SH3BP5L: variants seen among roughly 807,000 people sequenced by gnomAD.
SH3BP5L encodes SH3 domain-binding protein 5-like.
In SH3BP5L, 16 loss-of-function variants were observed where a neutral mutation model predicts 40.9. The observed-to-expected ratio is 0.39, with a 90% CI of 0.27 to 0.59. The LOEUF is 0.59. Ranked by LOEUF, SH3BP5L falls within the 20% of genes least tolerant of loss-of-function variation. SH3BP5L has a pLI of 0.53. For synonymous variants in SH3BP5L, 229 were observed against 226.7 expected, an observed-to-expected ratio of 1.01 and a Z score of -0.09; for missense variants, 471 against 544.6, an observed-to-expected ratio of 0.86 and a Z score of 1.35.
At chr1:248,815,534 T>C (rs1338888549) in intron 4 of SH3BP5L, among the ~76,000 whole-genome samples, 2 of 152,236 alleles carry the variant, frequency 1.3e-5, no homozygotes, top group African/African-American at 2.4e-5. Context: ...AAGGACAAAC[T>C]GCCCCTTCCA....
In SH3BP5L at chr1:248,812,236, G is replaced by A. The variant is rs138260841; in HGVS notation, c.846C>T (p.His282=). The A allele has an allele frequency of 1.8e-4, 282 of 1,609,906 alleles. No homozygotes were observed. In the African/African-American group the frequency reaches 2.7e-3, roughly 16 times the overall value. The change falls in exon 7 of 7, where the codon CAC becomes CAT. Residue 282 remains histidine, a synonymous_variant. Transcript: ENST00000366472. This position sits in a 1 kb window ranked among gnomAD's most constrained non-coding sequence, Gnocchi z 6.1. ...GGGAGGAGCGCCGAGGGCCCAGGGG[G>A]TGGGGAGGCAGACCCCCGCGGCGCC... ...HARRRGGLPP[H]PLGPRRSSPV... is the part of the protein sequence containing the mutation.
intron 4 of SH3BP5L, among the ~76,000 whole-genome samples, chr1:248,815,180 G>A (rs2103014063): frequency 6.6e-6 from 1 of 152,340 alleles, no homozygotes. Context: ...GTGAGGCTGA[G>A]GGAGGAGGAT....
At position 248,814,497 on chromosome 1, in the gene SH3BP5L, G is replaced by T. The variant is rs1351138590; in HGVS notation, c.489C>A (p.Asn163Lys). Reference sequence around the variant, plus strand: ...TCTCCTGCCACGTGGGGTCCAGTCGGTTCTTGTCAGCCATGACGCCCTGCT... The same window carrying T: ...TCTCCTGCCACGTGGGGTCCAGTCGTTTCTTGTCAGCCATGACGCCCTGCT... ...VAEQGVMADK[N>K]RLDPTWQEML... Residue 163 changes from asparagine (N) to lysine (K), a missense_variant, in exon 5 of 7, where the codon AAC becomes AAA. Coordinates refer to ENST00000366472, the MANE Select transcript of SH3BP5L (RefSeq NM_030645.3). 6.2e-7 allele frequency: 1 copy of T among 1,614,094 alleles called. No individual in the cohort carries two copies. Among genetic ancestry groups the T allele is most frequent in the Non-Finnish European group, 8.5e-7 (1 of 1,180,052 alleles).
intron 2 of SH3BP5L, among the ~76,000 whole-genome samples, chr1:248,819,949 A>C (rs1206514383): frequency 6.6e-6 from 1 of 152,220 alleles, no homozygotes; most frequent in Non-Finnish European, 1.5e-5. Context: ...ATTTAAAAAA[A>C]GAGTGAAATT....
At chr1:248,820,653 G>A (rs879840242) in intron 2 of SH3BP5L, 1 of 152,186 alleles carries the variant, frequency 6.6e-6, no homozygotes, top group Non-Finnish European at 1.5e-5. Flanking sequence ...ACCACTGGAA[G>A]GACATCTCAG....
intron 2 of SH3BP5L, 81 bp from the exon 3 acceptor site, chr1:248,816,965 A>G (rs1487110673): frequency 6.2e-7 from 1 of 1,608,332 alleles, no homozygotes; most frequent in Admixed American, 1.7e-5. Context: ...AGCAACACAG[A>G]GAGAGAGAGC....
At chr1:248,819,141 GA>G (rs1664186668) in intron 2 of SH3BP5L, among the ~76,000 whole-genome samples, 1 of 152,162 alleles carries the variant, frequency 6.6e-6, no homozygotes, top group African/African-American at 2.4e-5. Context: ...CAGCAGGTAA[GA>G]ATACAGGAAA....
At chr1:248,822,390 T>G (rs1328615140) in intron 2 of SH3BP5L, among the ~76,000 whole-genome samples, 1 of 152,216 alleles carries the variant, frequency 6.6e-6, no homozygotes, top group Non-Finnish European at 1.5e-5. Context: ...AGCACTGGCG[T>G]ACCCACACCT....
chr1:248,816,999 T>C lies in SH3BP5L; in HGVS notation c.184-115A>G, dbSNP rs1335774652. ...GCCCCACTTGCCCAGGGAAATGAGG[T>C]GAGACACTCAGGAAAGGAAAGAAGA... On this transcript the variant is annotated intron_variant, in intron 2 of 6. Coordinates refer to ENST00000366472, the MANE Select transcript of SH3BP5L (RefSeq NM_030645.3). 5 of 1,581,202 alleles carry C rather than the reference T, an allele frequency of 3.2e-6. No homozygotes were observed. The African/African-American group carries it at 5.4e-5, about 17-fold the overall frequency.
chr1:248,816,581 T>C lies in SH3BP5L; in HGVS notation c.328A>G (p.Ile110Val). 6.2e-7 allele frequency: 1 copy of C among 1,614,168 alleles called. No individual in the cohort carries two copies. The highest frequency in any genetic ancestry group is 1.1e-5 in the South Asian group (1 of 91,084). Residue 110 changes from isoleucine (I) to valine (V), a missense_variant, in exon 4 of 7, where the codon ATC becomes GTC. This residue lies in a region of SH3BP5L where 275 missense variants were observed against 370.1 expected (regional missense o/e 0.74). Transcript: ENST00000366472. ...TCATAGTAGGGCCGGGCTTTCTCGA[T>C]GCAGCTCCCCAAGTGGGAACCCTGT... is the stretch of plus-strand genomic sequence containing the variant. Reference protein sequence around the residue: ...NTQGSHLGSCIEKARPYYEAR... With the variant: ...NTQGSHLGSCVEKARPYYEAR...
chr1:248,816,709 C>A lies in SH3BP5L; in HGVS notation c.247-47G>T, dbSNP rs368121251. ...GAAAGGCACATGTTTGGGTCCCAGC[C>A]CCTCTTGTTTCTCAGACACACCCCT... On this transcript the variant is annotated intron_variant, in intron 3 of 6. Transcript: ENST00000366472. 1.7e-5 allele frequency: 27 copies of A among 1,613,336 alleles called. No homozygotes were observed. In the African/African-American group the frequency reaches 3.5e-4, roughly 21 times the overall value.
At position 248,812,024 on chromosome 1, in the gene SH3BP5L, T is replaced by A; in HGVS notation, c.1058A>T (p.His353Leu). 1 of 1,612,136 alleles carries A rather than the reference T, an allele frequency of 6.2e-7. No homozygotes were observed. Among genetic ancestry groups the A allele is most frequent in the Non-Finnish European group, 8.5e-7 (1 of 1,179,496 alleles). The change falls in exon 7 of 7, where the codon CAC becomes CTC. Residue 353 changes from histidine to leucine, a missense_variant. His to Leu is a moderately conservative substitution (Grantham distance 99). Coordinates refer to ENST00000366472, the MANE Select transcript of SH3BP5L (RefSeq NM_030645.3). This position sits in a 1 kb window ranked among gnomAD's most constrained non-coding sequence, Gnocchi z 6.1. ...GACGTGGTCCGAGAGGCCTCGCAAGTGCTCCACGGAGTCGCACTTCTGCAG... is the reference window on the plus strand; with the variant it reads ...GACGTGGTCCGAGAGGCCTCGCAAGAGCTCCACGGAGTCGCACTTCTGCAG... ...SDLQKCDSVE[H>L]LRGLSDHVSL...
At chr1:248,818,361 A>T (rs1474943207) in intron 2 of SH3BP5L, among the ~76,000 whole-genome samples, 1 of 40,146 alleles carries the variant, frequency 2.5e-5, no homozygotes, top group Non-Finnish European at 4.5e-5. Flanking sequence ...AACAAAAAAC[A>T]AACAAAAAAA....
At position 248,813,177 on chromosome 1, in the gene SH3BP5L, A is replaced by C. The variant is rs1315778032; in HGVS notation, c.538-15T>G. The C allele has an allele frequency of 1.3e-6, 2 of 1,541,684 alleles. No homozygotes were observed. The highest frequency in any genetic ancestry group is 2.7e-5 in the African/African-American group (2 of 73,312). On this transcript the variant is annotated splice_polypyrimidine_tract_variant and intron_variant, in intron 5 of 6. Transcript: ENST00000366472. ...GCCTCATTCACCTGGCCCAGAGGAC[A>C]CATCACTGAGCCAGGACCCATGCTT...
At chr1:248,813,197 A>C in intron 5 of SH3BP5L, 35 bp from the exon 6 acceptor site, 1 of 1,476,656 alleles carries the variant, frequency 6.8e-7, no homozygotes, top group Non-Finnish European at 9.0e-7. Flanking sequence ...GCCAGGACCC[A>C]TGCTTCAGTC....
chr1:248,823,422 T>C (rs909885381), intron 2 of SH3BP5L, among the ~76,000 whole-genome samples: 5 of 149,544 alleles, frequency 3.3e-5, no homozygotes, highest in Admixed American at 2.0e-4. Flanking sequence ...GAAACTTCCA[T>C]AAAAATCATA....
chr1:248,814,138 G>A, intron 5 of SH3BP5L: 1 of 383,842 alleles, frequency 2.6e-6, no homozygotes, highest in South Asian at 2.9e-5. Context: ...GAGTCACACA[G>A]CTAAACATAA....
intron 2 of SH3BP5L, among the ~76,000 whole-genome samples, chr1:248,817,891 A>T (rs1664149171): frequency 6.6e-6 from 1 of 152,160 alleles, no homozygotes; most frequent in Non-Finnish European, 1.5e-5. Flanking sequence ...AGGGCCAAGG[A>T]ACCAAAGGGG....
Position 248,811,559 on chromosome 1 carries a change from G to A in SH3BP5L, c.*341C>T. On this transcript the variant is annotated 3_prime_UTR_variant, in exon 7 of 7. Coordinates refer to ENST00000366472, the MANE Select transcript of SH3BP5L (RefSeq NM_030645.3). ...GTGCCTTCTAGACCAAGTTCCCTGA[G>A]GGAAAAAGCCAAACAGATGGAAAGA... 1.0e-5 allele frequency: 3 copies of A among 294,724 alleles called. No homozygotes were observed. Among genetic ancestry groups the A allele is most frequent in the South Asian group, 2.1e-4 (2 of 9,500 alleles). 18.3% of individuals were successfully genotyped at this position (294,724 alleles called of 1,614,324 possible).
Sources: gnomAD v4.1 joint callset for allele counts (sites outside exome capture counted in the v4.1 genomes callset) on GRCh38, gnomAD v4.1.1 for gene constraint, gnomAD v4.1.1 regional missense constraint, Gnocchi (gnomAD v3.1) non-coding constraint, MANE v1.5 for transcripts, NCBI Gene and HGNC (gene_info 2026-07-23, HGNC 2026-07-21) for gene names.